Variants in PINX1 observed in about 807,000 individuals in gnomAD.
PINX1 encodes the protein PIN2/TERF1-interacting telomerase inhibitor 1.
In PINX1, 34 loss-of-function variants were observed where a neutral mutation model predicts 25.4. That is an observed-to-expected ratio of 1.34 (90% CI 1.02 to 1.78). PINX1 has a LOEUF of 1.78. Among genes scored for constraint, PINX1 ranks in the 40% most tolerant of loss-of-function variants. The probability of loss-of-function intolerance (pLI) is 0.00; values close to 1 mark genes in which losing one functional copy is unlikely to be tolerated. For synonymous variants in PINX1, 197 were observed against 147.7 expected (o/e 1.33, Z -2.42); for missense variants, 592 against 404.9 (o/e 1.46, Z -3.97).
At chr8:10,776,442 TAAATAAAC>T (rs1286598968) in intron 6 of PINX1, among the ~76,000 whole-genome samples, 10 of 142,268 alleles carry the variant, frequency 7.0e-5, no homozygotes, top group Non-Finnish European at 1.2e-4. Context: ...AATAAATAAA[TAAATAAAC>T]AAACAAACAA....
intron 6 of PINX1, among the ~76,000 whole-genome samples, chr8:10,774,437 A>G (rs1171558682): frequency 6.6e-6 from 1 of 152,046 alleles, no homozygotes; most frequent in African/African-American, 2.4e-5. Flanking sequence ...ATGTGCCACC[A>G]CGCCCAGCTA....
At chr8:10,819,975 C>T (rs541965681) in intron 6 of PINX1, among the ~76,000 whole-genome samples, 1 of 152,260 alleles carries the variant, frequency 6.6e-6, no homozygotes, top group Admixed American at 6.5e-5. Context: ...AAGCCAAACA[C>T]CAGAAAACAC....
intron 6 of PINX1, among the ~76,000 whole-genome samples, chr8:10,802,899 G>C (rs1034773942): frequency 2.6e-5 from 4 of 152,134 alleles, no homozygotes; most frequent in African/African-American, 9.7e-5. Context: ...ACAGCAAGAA[G>C]ACTTATTGAA....
At chr8:10,827,858 C>G (rs1234707871) in intron 4 of PINX1, among the ~76,000 whole-genome samples, 2 of 149,282 alleles carry the variant, frequency 1.3e-5, no homozygotes, top group East Asian at 4.0e-4. Context: ...TTGCAGCGAG[C>G]CGAAATCACG....
chr8:10,825,989 G>A (rs1009991273), intron 5 of PINX1, among the ~76,000 whole-genome samples, 163 bp downstream of exon 5: 32 of 152,220 alleles, frequency 2.1e-4, no homozygotes, highest in African/African-American at 7.5e-4. Flanking sequence ...AGATCCTCAG[G>A]CACACCACAG....
chr8:10,834,615 T>G, intron 2 of PINX1, 51 bp downstream of exon 2: 1 of 1,592,556 alleles, frequency 6.3e-7, no homozygotes, highest in East Asian at 2.2e-5. Context: ...TTCCCCTAAT[T>G]TCTAATCTCT....
chr8:10,820,492 G>C (rs1377909246), intron 5 of PINX1, among the ~76,000 whole-genome samples: 1 of 152,140 alleles, frequency 6.6e-6, no homozygotes, highest in Non-Finnish European at 1.5e-5. Flanking sequence ...CAGAACTCTT[G>C]ACATTCTCTT....
chr8:10,808,063 A>G (rs1802511996), intron 6 of PINX1, among the ~76,000 whole-genome samples: 1 of 152,222 alleles, frequency 6.6e-6, no homozygotes, highest in Admixed American at 6.5e-5. Context: ...TCAGAAAACA[A>G]CCAAAAATTG....
At position 10,808,767 on chromosome 8, in the gene PINX1, G is replaced by C. The variant is rs73208771; in HGVS notation, c.471+11426C>G. The stretch of plus-strand genomic sequence containing the variant: ...TGATTTTCACCTATTGGTAAACCTA[G>C]ATAGTCAAAACCAATCGGCCTATCT... On this transcript the variant is annotated intron_variant, in intron 6 of 6. Coordinates refer to ENST00000314787, the MANE Select transcript of PINX1 (RefSeq NM_017884.6). 5.0e-3 allele frequency among the ~76,000 whole-genome samples: 758 copies of C among 152,282 alleles called. 3 individuals carry two copies. Among genetic ancestry groups the C allele is most frequent in the Admixed American group, 8.1e-3 (124 of 15,292 alleles).
chr8:10,803,845 T>G (rs1229903296), intron 6 of PINX1, among the ~76,000 whole-genome samples: 2 of 152,232 alleles, frequency 1.3e-5, no homozygotes, highest in African/African-American at 4.8e-5. Context: ...ACTCTTAGTA[T>G]AGTGGATAAT....
At chr8:10,778,830 T>C (rs992015825) in intron 6 of PINX1, among the ~76,000 whole-genome samples, 1 of 152,228 alleles carries the variant, frequency 6.6e-6, no homozygotes, top group Admixed American at 6.5e-5. Context: ...ATCTCATAGT[T>C]AAATCTTTGT....
At chr8:10,778,625 C>T (rs533652276) in intron 6 of PINX1, among the ~76,000 whole-genome samples, 3 of 152,166 alleles carry the variant, frequency 2.0e-5, no homozygotes, top group Admixed American at 6.5e-5. Flanking sequence ...CTTTGATTCA[C>T]AATGCATATC....
chr8:10,836,239 C>CTTAA (rs1344960541), intron 1 of PINX1, among the ~76,000 whole-genome samples: 3 of 151,988 alleles, frequency 2.0e-5, no homozygotes, highest in Non-Finnish European at 2.9e-5. Flanking sequence ...AAAAAAGGCC[C>CTTAA]TTAACAAAGC....
intron 6 of PINX1, among the ~76,000 whole-genome samples, chr8:10,782,256 C>T (rs1303037134): frequency 6.6e-6 from 1 of 152,052 alleles, no homozygotes; most frequent in African/African-American, 2.4e-5. Flanking sequence ...GCTCTCTGCA[C>T]TTCAGATCTA....
intron 6 of PINX1, chr8:10,787,617 C>T (rs999061177): frequency 2.8e-5 from 9 of 322,744 alleles, no homozygotes; most frequent in African/African-American, 2.0e-4. Flanking sequence ...TGGCAAGAAC[C>T]ATTTACCTTT....
chr8:10,819,517 A>G (rs1232073150), intron 6 of PINX1, among the ~76,000 whole-genome samples: 2 of 152,240 alleles, frequency 1.3e-5, no homozygotes, highest in Non-Finnish European at 1.5e-5. Context: ...TAATCCTAAT[A>G]TATCTCAAAC....
intron 6 of PINX1, chr8:10,787,892 T>C (rs893410027): frequency 8.8e-6 from 4 of 452,942 alleles, no homozygotes; most frequent in Non-Finnish European, 1.8e-5. Flanking sequence ...ACATTATCAA[T>C]TAATCTATAA....
chr8:10,814,651 C>CA (rs1381425770), intron 6 of PINX1, among the ~76,000 whole-genome samples: 7 of 152,188 alleles, frequency 4.6e-5, no homozygotes, highest in Admixed American at 1.3e-4. Flanking sequence ...TTCCTACTCT[C>CA]AGAGAAGAAA....
chr8:10,812,820 G>A (rs990918784), intron 6 of PINX1, among the ~76,000 whole-genome samples: 1 of 152,230 alleles, frequency 6.6e-6, no homozygotes, highest in Non-Finnish European at 1.5e-5. Context: ...ACACCGCCCA[G>A]CCTCCCTGAC....
Sources: gnomAD v4.1 joint callset for allele counts (sites outside exome capture counted in the v4.1 genomes callset) on GRCh38, gnomAD v4.1.1 for gene constraint, MANE v1.5 for transcripts, NCBI Gene and HGNC (gene_info 2026-07-23, HGNC 2026-07-21) for gene names.